LPCAT3: variants seen among roughly 807,000 people sequenced by gnomAD.
The protein encoded by LPCAT3 is lysophosphatidylcholine acyltransferase 3.
In LPCAT3, 21 loss-of-function variants were observed where a neutral mutation model predicts 63.4. The ratio of observed to expected loss-of-function variants is 0.33; its 90% CI spans 0.23 to 0.48. The LOEUF (loss-of-function observed/expected upper bound fraction) is 0.48. LPCAT3 is among the 20% of genes least tolerant of loss of function. The pLI is 0.99. For synonymous variants in LPCAT3, 242 were observed against 227.5 expected, an observed-to-expected ratio of 1.06 and a Z score of -0.58; for missense variants, 451 against 590.6, an observed-to-expected ratio of 0.76 and a Z score of 2.45.
intron 1 of LPCAT3, among the ~76,000 whole-genome samples, chr12:6,984,858 T>G (rs1946505366): frequency 6.6e-6 from 1 of 152,190 alleles, no homozygotes; most frequent in South Asian, 2.1e-4. Flanking sequence ...GTGTTGGGAT[T>G]ACAGGCGTGA....
chr12:7,013,932 C>G (rs895835031), intron 1 of LPCAT3, among the ~76,000 whole-genome samples: 3 of 151,570 alleles, frequency 2.0e-5, no homozygotes, highest in Admixed American at 1.3e-4. Flanking sequence ...TTTAAAGGCT[C>G]TTTAACCTAC....
intron 2 of LPCAT3, 95 bp from the exon 3 acceptor site, chr12:6,982,877 C>A: frequency 1.3e-6 from 1 of 764,220 alleles, no homozygotes. Context: ...AAAATGTTGG[C>A]ATCAGGATCT....
chr12:6,997,072 C>G (rs1946642878), intron 1 of LPCAT3, among the ~76,000 whole-genome samples: 1 of 152,160 alleles, frequency 6.6e-6, no homozygotes, highest in African/African-American at 2.4e-5. Flanking sequence ...GATGTTTATG[C>G]CACTGATATA....
At chr12:7,015,171 TA>T (rs1228324085) in intron 1 of LPCAT3, among the ~76,000 whole-genome samples, 3 of 152,094 alleles carry the variant, frequency 2.0e-5, no homozygotes, top group Non-Finnish European at 4.4e-5. Context: ...AGAACTGAAG[TA>T]AAAAAAGTAA....
intron 1 of LPCAT3, among the ~76,000 whole-genome samples, chr12:7,010,088 A>G (rs1555157102): frequency 6.6e-6 from 1 of 152,218 alleles, no homozygotes; most frequent in Non-Finnish European, 1.5e-5. Flanking sequence ...AGATCTCTAA[A>G]GACAATGCAC....
chr12:7,008,012 A>G (rs1946739080), intron 1 of LPCAT3, among the ~76,000 whole-genome samples: 1 of 152,174 alleles, frequency 6.6e-6, no homozygotes, highest in Non-Finnish European at 1.5e-5. Flanking sequence ...GTTCTTATAC[A>G]GAATACTTCA....
At position 6,987,763 on chromosome 12, in the gene LPCAT3, CTAATT is replaced by C. The variant is rs1303944247; in HGVS notation, c.152-4229_152-4225del. 1 of 400,616 alleles carries C rather than the reference CTAATT, an allele frequency of 2.5e-6. No homozygotes were observed. The highest frequency in any genetic ancestry group is 2.1e-5 in the African/African-American group (1 of 48,692). The allele number at this position is 400,616 out of a possible 1,614,324, so 24.8% of individuals were successfully genotyped here. Reference sequence around the variant, plus strand: ...ATTACTCTGCCTCTTTAAGTTGAATCTAATTTAACATTTTCTAGGTGTCTGGATCG... The same window carrying C: ...ATTACTCTGCCTCTTTAAGTTGAATCTAACATTTTCTAGGTGTCTGGATCG... On this transcript the variant is annotated intron_variant, in intron 1 of 12. Transcript: ENST00000261407. This position sits in a 1 kb window ranked among gnomAD's most constrained non-coding sequence, Gnocchi z 4.1.
Position 6,977,874 on chromosome 12 carries a change from G to A in LPCAT3, c.1041-129C>T. On this transcript the variant is annotated intron_variant, in intron 9 of 12. Transcript: ENST00000261407. This position sits in a 1 kb window ranked among gnomAD's most constrained non-coding sequence, Gnocchi z 4.5. ...GGTTCCCACGTGTAGCCCCCAGAGG[G>A]TACAGGAGGCAGTGCTGACTGATTA... is the stretch of plus-strand genomic sequence containing the variant. 2.8e-6 allele frequency: 3 copies of A among 1,074,106 alleles called. No homozygotes were observed. The highest frequency in any genetic ancestry group is 4.1e-6 in the Non-Finnish European group (3 of 724,422). 66.5% of individuals were successfully genotyped at this position (1,074,106 alleles called of 1,614,324 possible).
rs1259163697 is a variant in LPCAT3, at chr12:7,010,818, TAAA to T, written c.151+7453_151+7455del. Among the ~76,000 whole-genome samples, 3 of 152,094 alleles carry T rather than the reference TAAA, an allele frequency of 2.0e-5. 1 individual carries two copies. The highest frequency in any genetic ancestry group is 4.4e-5 in the Non-Finnish European group (3 of 67,998). On this transcript the variant is annotated intron_variant, in intron 1 of 12. Transcript: ENST00000261407. Reference sequence around the variant, plus strand: ...GGAATGTAAGACATTGGGGTATAGATAAAAAGTGGTTGGAAAAAATATATATAT... The same window carrying T: ...GGAATGTAAGACATTGGGGTATAGATAAGTGGTTGGAAAAAATATATATAT...
intron 1 of LPCAT3, among the ~76,000 whole-genome samples, chr12:6,998,231 G>T (rs148954636): frequency 9.2e-5 from 14 of 152,204 alleles, no homozygotes; most frequent in Non-Finnish European, 1.9e-4. Context: ...GCCCAGGCTG[G>T]TCTTGAACTG....
chr12:6,995,305 C>G (rs2138347538), intron 1 of LPCAT3, among the ~76,000 whole-genome samples: 1 of 152,134 alleles, frequency 6.6e-6, no homozygotes, highest in African/African-American at 2.4e-5. Context: ...GAAACCCCAT[C>G]TCTACTAAAA....
intron 1 of LPCAT3, among the ~76,000 whole-genome samples, chr12:6,994,367 C>T (rs1946617762): frequency 6.6e-6 from 1 of 151,982 alleles, no homozygotes; most frequent in Non-Finnish European, 1.5e-5. Context: ...ACCACCATGC[C>T]CAGCTAATTT....
intron 1 of LPCAT3, among the ~76,000 whole-genome samples, chr12:7,002,641 T>C (rs1173150155): frequency 6.6e-6 from 1 of 152,204 alleles, no homozygotes; most frequent in African/African-American, 2.4e-5. Context: ...CCTTATAAAT[T>C]TGAATAAGTG....
intron 1 of LPCAT3, among the ~76,000 whole-genome samples, chr12:6,996,057 T>G (rs1189771773): frequency 6.6e-6 from 1 of 152,162 alleles, no homozygotes; most frequent in African/African-American, 2.4e-5. Context: ...AAGGCCTCTA[T>G]TCTCACTCAG....
chr12:6,997,590 CTTT>C (rs1205204101), intron 1 of LPCAT3, among the ~76,000 whole-genome samples: 1 of 129,590 alleles, frequency 7.7e-6, no homozygotes, highest in African/African-American at 2.8e-5. Context: ...ATTTTCTTTT[CTTT>C]TTTTTTTTTT....
intron 1 of LPCAT3, among the ~76,000 whole-genome samples, chr12:7,006,477 C>G (rs959831514): frequency 8.5e-5 from 13 of 152,190 alleles, no homozygotes; most frequent in Non-Finnish European, 1.0e-4. Context: ...CCTTGGCCTC[C>G]CAAAGTGCTG....
intron 1 of LPCAT3, among the ~76,000 whole-genome samples, chr12:7,006,489 G>A (rs1247278697): frequency 1.3e-5 from 2 of 152,186 alleles, no homozygotes; most frequent in Admixed American, 1.3e-4. Flanking sequence ...AAAGTGCTGG[G>A]ATTACAGGCG....
intron 7 of LPCAT3, chr12:6,978,903 G>A (rs1425152794): frequency 1.3e-5 from 8 of 620,358 alleles, no homozygotes; most frequent in Non-Finnish European, 1.9e-5. Context: ...CCCTTGGAGA[G>A]CCTCAAGGGC....
chr12:6,979,442 ATGC>A, intron 7 of LPCAT3, 26 bp downstream of exon 7: 3 of 1,504,842 alleles, frequency 2.0e-6, no homozygotes, highest in Non-Finnish European at 2.8e-6. Context: ...TGGTGCAGTC[ATGC>A]TGCTGCTGCT....
Sources: allele counts gnomAD v4.1 joint callset (sites outside exome capture counted in the v4.1 genomes callset), GRCh38; gene constraint gnomAD v4.1.1; non-coding constraint Gnocchi (gnomAD v3.1); transcripts MANE v1.5; gene names NCBI Gene and HGNC (gene_info 2026-07-23, HGNC 2026-07-21).